Variants in SNX29 observed in about 807,000 individuals in gnomAD.
SNX29 encodes the protein sorting nexin-29.
In SNX29, 78 loss-of-function variants were observed where a neutral mutation model predicts 102.1. The ratio of observed to expected loss-of-function variants is 0.76; its 90% CI spans 0.64 to 0.92. SNX29 has a LOEUF of 0.92. Among genes scored for constraint, SNX29 ranks in the 40% least tolerant of loss-of-function variants. The probability of loss-of-function intolerance (pLI) is 0.00; values close to 1 mark genes in which losing one functional copy is unlikely to be tolerated. For synonymous variants in SNX29, 580 were observed against 414.5 expected, an observed-to-expected ratio of 1.40 and a Z score of -4.85; for missense variants, 1,280 against 1,061.7, an observed-to-expected ratio of 1.21 and a Z score of -2.86.
intron 14 of SNX29, among the ~76,000 whole-genome samples, chr16:12,272,418 G>A (rs570232565): frequency 2.0e-5 from 3 of 152,310 alleles, no homozygotes; most frequent in South Asian, 4.1e-4. Context: ...CTGTGAGTTC[G>A]CCATTTTGCG....
At chr16:12,220,556 T>C (rs2077450138) in intron 14 of SNX29, among the ~76,000 whole-genome samples, 1 of 152,074 alleles carries the variant, frequency 6.6e-6, no homozygotes, top group African/African-American at 2.4e-5. Flanking sequence ...CTGAGCCAAT[T>C]TGCATGTTTC....
chr16:12,068,497 C>CAA (rs150995842), intron 9 of SNX29, among the ~76,000 whole-genome samples: 3,320 of 87,390 alleles, frequency 0.038, 231 homozygotes, highest in African/African-American at 0.13. Flanking sequence ...GACCCTGTCT[C>CAA]AAAAAAAAAA....
intron 20 of SNX29, among the ~76,000 whole-genome samples, chr16:12,535,627 C>T (rs1041160663): frequency 1.3e-5 from 2 of 152,166 alleles, no homozygotes; most frequent in African/African-American, 4.8e-5. Flanking sequence ...GTCACACCAA[C>T]ATGAAGCACT....
chr16:12,565,118 C>T (rs924425074), intron 20 of SNX29, among the ~76,000 whole-genome samples: 13 of 145,548 alleles, frequency 8.9e-5, no homozygotes, highest in Admixed American at 8.8e-4. Flanking sequence ...TGGCCCTAGT[C>T]TCTTATCCAC....
intron 20 of SNX29, among the ~76,000 whole-genome samples, chr16:12,541,741 TGTGCCAGCCA>T (rs1242617872): frequency 2.0e-5 from 3 of 152,194 alleles, no homozygotes; most frequent in African/African-American, 7.2e-5. Context: ...TTTTCCGTAC[TGTGCCAGCCA>T]GTGCCTGATA....
At chr16:12,406,800 T>C (rs547900515) in intron 18 of SNX29, among the ~76,000 whole-genome samples, 73 of 152,194 alleles carry the variant, frequency 4.8e-4, no homozygotes, top group African/African-American at 1.5e-3. Context: ...TCCCAGCTAC[T>C]TGGGAGGCTG....
intron 20 of SNX29, among the ~76,000 whole-genome samples, chr16:12,567,095 ATTTC>A (rs368704559): frequency 3.9e-4 from 59 of 152,368 alleles, no homozygotes; most frequent in Non-Finnish European, 6.5e-4. Flanking sequence ...GAGGGGAATG[ATTTC>A]TTTATGAATG....
At chr16:12,194,423 A>G (rs1044695912) in intron 13 of SNX29, among the ~76,000 whole-genome samples, 1 of 152,026 alleles carries the variant, frequency 6.6e-6, no homozygotes, top group African/African-American at 2.4e-5. Context: ...GTCTCTTGTG[A>G]AGAGGGAAAG....
Position 12,548,671 on chromosome 16 carries a change from G to T in SNX29, c.2319-19835G>T, listed in dbSNP as rs561733414. Among the ~76,000 whole-genome samples, 18 of 152,322 alleles carry T rather than the reference G, an allele frequency of 1.2e-4. No individual in the cohort carries two copies. In the South Asian group the frequency reaches 3.7e-3, roughly 32 times the overall value. ...ATTTGGTGTCAACTCAGCAAGAAGTGAAGTTTAAAGCCCAGAGCACTGCAG... is the reference window on the plus strand; with the variant it reads ...ATTTGGTGTCAACTCAGCAAGAAGTTAAGTTTAAAGCCCAGAGCACTGCAG... On this transcript the variant is annotated intron_variant, in intron 20 of 20. Transcript: ENST00000566228.
intron 18 of SNX29, among the ~76,000 whole-genome samples, chr16:12,448,536 A>G (rs2086164926): frequency 2.0e-5 from 3 of 150,988 alleles, no homozygotes; most frequent in African/African-American, 4.9e-5. Context: ...TCATGGTGAC[A>G]CCTCCTGCTT....
At chr16:12,116,872 C>G (rs1045954692) in intron 11 of SNX29, among the ~76,000 whole-genome samples, 2 of 152,174 alleles carry the variant, frequency 1.3e-5, no homozygotes, top group African/African-American at 4.8e-5. Flanking sequence ...CAGGCTTAGT[C>G]AATACCTGCT....
chr16:12,326,298 G>T (rs1402159162), intron 15 of SNX29, among the ~76,000 whole-genome samples: 1 of 150,502 alleles, frequency 6.6e-6, no homozygotes, highest in African/African-American at 2.4e-5. Flanking sequence ...ACAGGTGTGA[G>T]CCCAGCCAAA....
intron 20 of SNX29, among the ~76,000 whole-genome samples, chr16:12,548,228 G>A (rs958416504): frequency 2.4e-4 from 37 of 152,216 alleles, no homozygotes; most frequent in African/African-American, 8.9e-4. Context: ...TCCTGCCACA[G>A]TGTTAGGTTA....
chr16:12,560,160 C>G (rs1009313632), intron 20 of SNX29, among the ~76,000 whole-genome samples: 3 of 140,522 alleles, frequency 2.1e-5, no homozygotes, highest in South Asian at 2.3e-4. Context: ...ACAGTAAAGC[C>G]TTTCTCACTT....
chr16:12,270,831 C>G lies in SNX29; in HGVS notation c.1679-7102C>G, dbSNP rs189997126. Among the ~76,000 whole-genome samples the G allele has an allele frequency of 3.9e-5, 6 of 152,088 alleles. No homozygotes were observed. The East Asian group carries it at 1.2e-3, about 29-fold the overall frequency. On this transcript the variant is annotated intron_variant, in intron 14 of 20. Coordinates refer to ENST00000566228, the MANE Select transcript of SNX29 (RefSeq NM_032167.5). ...GCAAGGCGGGTAGATCGCCTGCGGT[C>G]AGGCATTCGAGACCCACCTGGTCAA...
At chr16:11,999,473 C>A in intron 2 of SNX29, 115 bp downstream of exon 2, 1 of 992,060 alleles carries the variant, frequency 1.0e-6, no homozygotes, top group Non-Finnish European at 1.5e-6. Context: ...TACCTGGGAA[C>A]AGTGAAGTGA....
chr16:12,121,491 G>A (rs958489173), intron 11 of SNX29, among the ~76,000 whole-genome samples: 3 of 152,258 alleles, frequency 2.0e-5, no homozygotes, highest in Non-Finnish European at 4.4e-5. Flanking sequence ...CGCCTTGGCT[G>A]TGGTGGTGCA....
intron 10 of SNX29, among the ~76,000 whole-genome samples, chr16:12,071,715 T>G (rs959666306): frequency 6.6e-6 from 1 of 152,216 alleles, no homozygotes; most frequent in African/African-American, 2.4e-5. Flanking sequence ...AAGAAAGTCA[T>G]TGGTAGCTTG....
chr16:12,271,639 T>C (rs79297301), intron 14 of SNX29, among the ~76,000 whole-genome samples: 1 of 151,252 alleles, frequency 6.6e-6, no homozygotes, highest in Non-Finnish European at 1.5e-5. Flanking sequence ...TTTTTTTTTT[T>C]TGAGACAGAG....
Sources: gnomAD v4.1 joint callset for allele counts (sites outside exome capture counted in the v4.1 genomes callset) on GRCh38, gnomAD v4.1.1 for gene constraint, MANE v1.5 for transcripts, NCBI Gene and HGNC (gene_info 2026-07-23, HGNC 2026-07-21) for gene names.